Variants in RSRC1 observed in about 807,000 individuals in gnomAD.
RSRC1 encodes the protein serine/Arginine-related protein 53.
In RSRC1, 39 loss-of-function variants were observed where a neutral mutation model predicts 49.1. The observed-to-expected ratio is 0.79, with a 90% confidence interval of 0.61 to 1.04. RSRC1 has a LOEUF of 1.04. RSRC1 is among the 50% of genes least tolerant of loss of function. The pLI, the probability that RSRC1 is intolerant of heterozygous loss-of-function variation, is 0.00. For missense variants in RSRC1, 388 were observed against 402.4 expected (o/e 0.96, Z 0.31); for synonymous variants, 143 against 130.8 (o/e 1.09, Z -0.63).
intron 6 of RSRC1, among the ~76,000 whole-genome samples, chr3:158,456,862 T>A (rs1345118091): frequency 6.6e-6 from 1 of 152,136 alleles, no homozygotes; most frequent in Non-Finnish European, 1.5e-5. Context: ...TTTTTTAAAA[T>A]TTTTTTAAAT....
At chr3:158,345,694 G>T (rs533948343) in intron 5 of RSRC1, among the ~76,000 whole-genome samples, 4 of 151,726 alleles carry the variant, frequency 2.6e-5, no homozygotes, top group African/African-American at 9.7e-5. Flanking sequence ...AGACAGTGGG[G>T]TGCTGGCATC....
chr3:158,335,608 G>A (rs1729839585), intron 5 of RSRC1, among the ~76,000 whole-genome samples: 1 of 152,196 alleles, frequency 6.6e-6, no homozygotes, highest in South Asian at 2.1e-4. Context: ...GCAATGGAAA[G>A]GATAAGTAGA....
intron 7 of RSRC1, among the ~76,000 whole-genome samples, chr3:158,527,031 T>C (rs1022337110): frequency 6.6e-6 from 1 of 150,958 alleles, no homozygotes; most frequent in African/African-American, 2.4e-5. Flanking sequence ...TTAATTCAAG[T>C]CAGTCATCAC....
intron 3 of RSRC1, among the ~76,000 whole-genome samples, chr3:158,152,743 G>T (rs1400508325): frequency 1.3e-5 from 2 of 152,148 alleles, no homozygotes; most frequent in Non-Finnish European, 2.9e-5. Context: ...AATGAGATGT[G>T]AATTAAAAAT....
At chr3:158,278,951 A>G (rs1028316879) in intron 4 of RSRC1, among the ~76,000 whole-genome samples, 4 of 152,170 alleles carry the variant, frequency 2.6e-5, no homozygotes, top group Admixed American at 2.0e-4. Flanking sequence ...AAATCAACAT[A>G]TATGCTATTT....
At chr3:158,325,342 T>G (rs1338061760) in intron 5 of RSRC1, among the ~76,000 whole-genome samples, 16 of 152,238 alleles carry the variant, frequency 1.1e-4, no homozygotes, top group Non-Finnish European at 1.5e-5. Flanking sequence ...GGTTTTCTTC[T>G]AGGGTTTTTA....
intron 4 of RSRC1, among the ~76,000 whole-genome samples, chr3:158,258,048 G>A (rs1724671094): frequency 6.6e-6 from 1 of 151,844 alleles, no homozygotes; most frequent in Admixed American, 6.6e-5. Context: ...ATCTTTTAGT[G>A]TTTGTACTCA....
intron 3 of RSRC1, among the ~76,000 whole-genome samples, chr3:158,180,255 A>G (rs1005034438): frequency 6.6e-5 from 10 of 151,994 alleles, no homozygotes; most frequent in African/African-American, 9.7e-5. Flanking sequence ...TATCAGATCT[A>G]TGCTTTTGGT....
At chr3:158,184,962 A>C (rs1719842107) in intron 3 of RSRC1, among the ~76,000 whole-genome samples, 1 of 151,988 alleles carries the variant, frequency 6.6e-6, no homozygotes, top group African/African-American at 2.4e-5. Context: ...TGAAGTATTT[A>C]TTAATGTTGA....
intron 3 of RSRC1, among the ~76,000 whole-genome samples, chr3:158,185,855 T>C (rs920573829): frequency 1.3e-5 from 2 of 152,002 alleles, no homozygotes; most frequent in African/African-American, 4.8e-5. Flanking sequence ...CCAATGTAAT[T>C]GGAGGAATTA....
intron 6 of RSRC1, among the ~76,000 whole-genome samples, chr3:158,444,379 G>A (rs986819229): frequency 4.6e-5 from 7 of 151,906 alleles, no homozygotes; most frequent in Admixed American, 2.6e-4. Context: ...CTGATCTTTG[G>A]CAAACCTGAC....
intron 6 of RSRC1, among the ~76,000 whole-genome samples, chr3:158,430,077 AAAATAAAATAAAAT>A (rs992402305): frequency 1.1e-5 from 1 of 93,400 alleles, no homozygotes; most frequent in Non-Finnish European, 2.3e-5. Flanking sequence ...ACACACAAAA[AAAATAAAATAAAAT>A]AAAATAAAAT....
intron 7 of RSRC1, among the ~76,000 whole-genome samples, 197 bp downstream of exon 7, chr3:158,461,200 A>T (rs1430101182): frequency 1.3e-5 from 2 of 151,914 alleles, no homozygotes; most frequent in Non-Finnish European, 2.9e-5. Context: ...TAAGCATGCT[A>T]TTATATATTC....
rs141308901 is a variant in RSRC1 at position 158,167,439 on chromosome 3, C to T, written c.321-35633C>T. Among the ~76,000 whole-genome samples the T allele has an allele frequency of 7.6e-3, 1,157 of 152,274 alleles. 6 individuals carry two copies. Among genetic ancestry groups the T allele is most frequent in the African/African-American group, 0.026 (1,099 of 41,556 alleles). On this transcript the variant is annotated intron_variant, in intron 3 of 9. Transcript: ENST00000611884. Reference sequence around the variant, plus strand: ...CTCCTGGGCTCAAGTGATCCACCCGCCTTGGCCTTCCAAAGGGCTGGGATT... The same window carrying T: ...CTCCTGGGCTCAAGTGATCCACCCGTCTTGGCCTTCCAAAGGGCTGGGATT...
intron 5 of RSRC1, among the ~76,000 whole-genome samples, chr3:158,351,539 A>G (rs909223008): frequency 2.0e-5 from 3 of 152,252 alleles, no homozygotes; most frequent in Admixed American, 6.5e-5. Flanking sequence ...TTATATCTGC[A>G]TAGGCAAATA....
intron 8 of RSRC1, among the ~76,000 whole-genome samples, chr3:158,541,743 GTTTTT>G (rs200251538): frequency 4.0e-5 from 6 of 150,982 alleles, no homozygotes; most frequent in African/African-American, 1.5e-4. Context: ...TATTCATCTT[GTTTTT>G]TTTTAATTTT....
intron 7 of RSRC1, among the ~76,000 whole-genome samples, chr3:158,494,243 A>G (rs1009856939): frequency 2.6e-5 from 4 of 152,214 alleles, no homozygotes; most frequent in African/African-American, 9.7e-5. Context: ...CTTTACAGCA[A>G]GTTACTCTGT....
At chr3:158,536,207 A>C (rs1356263203) in intron 7 of RSRC1, among the ~76,000 whole-genome samples, 1 of 151,462 alleles carries the variant, frequency 6.6e-6, no homozygotes, top group Non-Finnish European at 1.5e-5. Context: ...ATTGAACCTT[A>C]ATGTAATTAA....
intron 7 of RSRC1, among the ~76,000 whole-genome samples, chr3:158,486,767 A>G (rs1421843081): frequency 2.6e-5 from 4 of 152,200 alleles, no homozygotes; most frequent in Non-Finnish European, 5.9e-5. Context: ...TGAATTATGT[A>G]TTATTCTTAT....
Sources: allele counts gnomAD v4.1 joint callset (sites outside exome capture counted in the v4.1 genomes callset), GRCh38; gene constraint gnomAD v4.1.1; transcripts MANE v1.5; gene names NCBI Gene and HGNC (gene_info 2026-07-23, HGNC 2026-07-21).